Variants in ASTN2 observed in about 807,000 individuals in gnomAD.
The protein encoded by ASTN2 is astrotactin-2.
A neutral mutation model predicts 139.8 loss-of-function variants in ASTN2; 54 were observed. The ratio of observed to expected loss-of-function variants is 0.39; its 90% CI spans 0.31 to 0.48. ASTN2 has a LOEUF of 0.48. ASTN2 is among the 20% of genes least tolerant of loss of function. ASTN2 has a pLI of 0.95. For synonymous variants in ASTN2, 756 were observed against 719.5 expected, an observed-to-expected ratio of 1.05 and a Z score of -0.81; for missense variants, 1,565 against 1,725.1, an observed-to-expected ratio of 0.91 and a Z score of 1.64.
chr9:116,618,460 G>T lies in ASTN2; in HGVS notation c.3219C>A (p.Ser1073=). Residue 1073 remains serine (S), a synonymous_variant, in exon 19 of 23, where the codon TCC becomes TCA. Transcript: ENST00000313400. ...CAGTACTGGAGGGCTCCACTGTTGG[G>T]GACAGCCGCAGCCTACAGGGAATAA... ...SPLLQPVLRL[S]PTVEPSSTVV... The T allele has an allele frequency of 6.2e-7, 1 of 1,612,604 alleles. No individual in the cohort carries two copies. The highest frequency in any genetic ancestry group is 8.5e-7 in the Non-Finnish European group (1 of 1,179,552).
chr9:116,698,335 A>C lies in ASTN2; in HGVS notation c.2806+27436T>G. ...CATGAGGAGCGCAGGGTCCAGGATG[A>C]GCTGGCTCGCTCTCGGAAGTTCTTC... On this transcript the variant is annotated intron_variant, in intron 16 of 22. Coordinates refer to ENST00000313400, the MANE Select transcript of ASTN2 (RefSeq NM_001365068.1). The surrounding 1 kb of genome is among the most constrained non-coding windows in gnomAD (Gnocchi z 4.4). 1.9e-6 allele frequency: 3 copies of C among 1,614,148 alleles called. No homozygotes were observed. The highest frequency in any genetic ancestry group is 2.5e-6 in the Non-Finnish European group (3 of 1,180,026).
chr9:116,584,991 T>G (rs1052752431), intron 19 of ASTN2: 1 of 152,162 alleles, frequency 6.6e-6, no homozygotes, highest in African/African-American at 2.4e-5. Context: ...TGCACTATGT[T>G]GAGAAGGAAA....
chr9:116,513,138 C>T (rs893895318), intron 19 of ASTN2, among the ~76,000 whole-genome samples: 10 of 152,258 alleles, frequency 6.6e-5, no homozygotes, highest in African/African-American at 2.4e-4. Flanking sequence ...GTGGCTGGTA[C>T]CAGCTGTTCC....
Position 117,414,378 on chromosome 9 carries a change from C to G in ASTN2, c.442+119G>C, listed in dbSNP as rs1002472177. On this transcript the variant is annotated intron_variant, in intron 1 of 22. Transcript: ENST00000313400. The surrounding 1 kb of genome is among the most constrained non-coding windows in gnomAD (Gnocchi z 4.2). Reference sequence around the variant, plus strand: ...GACCTCTGGGCCCCTCCTCTACCCTCTGCCAACCCCACTCGGGGCAGCCCC... The same window carrying G: ...GACCTCTGGGCCCCTCCTCTACCCTGTGCCAACCCCACTCGGGGCAGCCCC... 2.7e-6 allele frequency: 4 copies of G among 1,484,722 alleles called. No individual in the cohort carries two copies. Among genetic ancestry groups the G allele is most frequent in the East Asian group, 5.3e-5 (2 of 37,600 alleles). The allele number at this position is 1,484,722 out of a possible 1,614,324, so 92.0% of individuals were successfully genotyped here. A position where few individuals can be genotyped will look rare whatever the true frequency, so the allele number is the denominator to read the frequency against.
At chr9:116,512,313 T>C (rs1307768517) in intron 19 of ASTN2, among the ~76,000 whole-genome samples, 1 of 152,246 alleles carries the variant, frequency 6.6e-6, no homozygotes. Context: ...TGAGTGGTTT[T>C]GAGTGAGTTT....
At chr9:116,812,641 G>A (rs1767009258) in intron 12 of ASTN2, among the ~76,000 whole-genome samples, 1 of 152,178 alleles carries the variant, frequency 6.6e-6, no homozygotes, top group Non-Finnish European at 1.5e-5. Context: ...GGAAATGTGA[G>A]ACACTCACAG....
At chr9:117,386,221 G>T (rs1288287646) in intron 1 of ASTN2, among the ~76,000 whole-genome samples, 1 of 152,066 alleles carries the variant, frequency 6.6e-6, no homozygotes, top group Non-Finnish European at 1.5e-5. Flanking sequence ...TTCACATAGA[G>T]TTTCATAGAA....
At chr9:116,939,378 A>T (rs1835165254) in intron 10 of ASTN2, among the ~76,000 whole-genome samples, 1 of 152,010 alleles carries the variant, frequency 6.6e-6, no homozygotes, top group Non-Finnish European at 1.5e-5. Flanking sequence ...ACTTTAATAA[A>T]ATATTTGCTT....
At chr9:116,901,213 T>G (rs1405106499) in intron 10 of ASTN2, among the ~76,000 whole-genome samples, 4 of 152,172 alleles carry the variant, frequency 2.6e-5, no homozygotes, top group African/African-American at 9.7e-5. Context: ...ATTGCATATA[T>G]GACAGTGGTC....
At chr9:117,358,875 T>C (rs765124463) in intron 1 of ASTN2, among the ~76,000 whole-genome samples, 12 of 152,060 alleles carry the variant, frequency 7.9e-5, no homozygotes, top group Non-Finnish European at 1.6e-4. Context: ...CTTGAGAACT[T>C]CCCTTCATAT....
At chr9:116,805,905 C>CTTGTAGGTAGAAA in intron 12 of ASTN2, 85 bp from the exon 13 acceptor site, 1 of 1,365,116 alleles carries the variant, frequency 7.3e-7, no homozygotes. Flanking sequence ...CCTCCTTTCC[C>CTTGTAGGTAGAAA]TGCAAAACAG....
intron 20 of ASTN2, among the ~76,000 whole-genome samples, chr9:116,486,882 A>G (rs1849355890): frequency 6.6e-6 from 1 of 151,924 alleles, no homozygotes; most frequent in Admixed American, 6.5e-5. Context: ...GGCTGGATCT[A>G]TTAATAAAAA....
chr9:117,337,539 T>C (rs903883405), intron 1 of ASTN2, among the ~76,000 whole-genome samples: 4 of 152,194 alleles, frequency 2.6e-5, no homozygotes, highest in Admixed American at 1.3e-4. Context: ...AATAACACTA[T>C]GTCAGGTAAG....
intron 19 of ASTN2, among the ~76,000 whole-genome samples, chr9:116,522,455 G>A (rs1404947382): frequency 6.6e-6 from 1 of 152,100 alleles, no homozygotes; most frequent in Non-Finnish European, 1.5e-5. Context: ...ATACGTGGGA[G>A]CTAAGCTATG....
At position 116,545,771 on chromosome 9, in the gene ASTN2, G is replaced by T. The variant is rs766068467; in HGVS notation, c.3356-58271C>A. The T allele has an allele frequency of 2.6e-5, 4 of 152,286 alleles. No individual in the cohort carries two copies. In the East Asian group the frequency reaches 7.7e-4, roughly 29 times the overall value. The allele number at this position is 152,286 out of a possible 1,614,324, so 9.4% of individuals were successfully genotyped here. ...TAGGGTACAAGCCAGGCACTGAGCTGGGCATTGAGGATGAAGAGATGAAAC... is the reference window on the plus strand; with the variant it reads ...TAGGGTACAAGCCAGGCACTGAGCTTGGCATTGAGGATGAAGAGATGAAAC... On this transcript the variant is annotated intron_variant, in intron 19 of 22. Coordinates refer to ENST00000313400, the MANE Select transcript of ASTN2 (RefSeq NM_001365068.1).
chr9:117,205,866 A>C (rs6478290), intron 3 of ASTN2, among the ~76,000 whole-genome samples: 25,573 of 152,210 alleles, frequency 0.17, 2,372 homozygotes, highest in South Asian at 0.28. Flanking sequence ...CTAAAGGAAA[A>C]TAGCTAAATT....
intron 20 of ASTN2, among the ~76,000 whole-genome samples, chr9:116,457,885 G>C (rs2118953310): frequency 6.6e-6 from 1 of 152,128 alleles, no homozygotes; most frequent in Admixed American, 6.5e-5. Context: ...GTATATTGAA[G>C]AGACATCTGT....
chr9:116,948,703 G>A (rs1458681228), intron 10 of ASTN2, among the ~76,000 whole-genome samples: 9 of 99,236 alleles, frequency 9.1e-5, no homozygotes, highest in African/African-American at 2.7e-4. Flanking sequence ...GTGTGAGTGT[G>A]TGTGTGTGTG....
intron 13 of ASTN2, among the ~76,000 whole-genome samples, chr9:116,771,684 G>A (rs562880987): frequency 6.6e-6 from 1 of 152,330 alleles, no homozygotes; most frequent in Admixed American, 6.5e-5. Flanking sequence ...GAGTGAAGAT[G>A]AAGGGTAAGA....
Sources: gnomAD v4.1 joint callset for allele counts (sites outside exome capture counted in the v4.1 genomes callset) on GRCh38, gnomAD v4.1.1 for gene constraint, Gnocchi (gnomAD v3.1) non-coding constraint, MANE v1.5 for transcripts, NCBI Gene and HGNC (gene_info 2026-07-23, HGNC 2026-07-21) for gene names.